Variants in MTERF3 observed in about 807,000 individuals in gnomAD.
The protein encoded by MTERF3 is transcription termination factor 3, mitochondrial.
A neutral mutation model predicts 40.5 loss-of-function variants in MTERF3; 40 were observed. The ratio of observed to expected loss-of-function variants is 0.99; its 90% CI spans 0.77 to 1.29. MTERF3 has a LOEUF of 1.29. Among genes scored for constraint, MTERF3 ranks in the 50% most tolerant of loss-of-function variants. The pLI is 0.00. For synonymous variants in MTERF3, 158 were observed against 166.6 expected (o/e 0.95, Z 0.40); for missense variants, 452 against 478.2 (o/e 0.95, Z 0.51).
chr8:96,240,929 G>A (rs1201898122), intron 7 of MTERF3, among the ~76,000 whole-genome samples: 3 of 152,038 alleles, frequency 2.0e-5, no homozygotes, highest in African/African-American at 7.2e-5. Flanking sequence ...AAAAGCACAG[G>A]GTGTACCTCA....
intron 3 of MTERF3, among the ~76,000 whole-genome samples, chr8:96,255,373 T>C (rs1447283204): frequency 6.6e-6 from 1 of 152,154 alleles, no homozygotes; most frequent in Non-Finnish European, 1.5e-5. Context: ...GTGCGGTGGC[T>C]CATGCCTATA....
rs574892650 is a variant in MTERF3 at position 96,258,798 on chromosome 8, T to A, written c.-10-98A>T. 54 of 947,306 alleles carry A rather than the reference T, an allele frequency of 5.7e-5. No individual in the cohort carries two copies. In the African/African-American group the frequency reaches 6.6e-4, roughly 12 times the overall value. 58.7% of individuals were successfully genotyped at this position (947,306 alleles called of 1,614,324 possible). On this transcript the variant is annotated intron_variant, in intron 1 of 7. Coordinates refer to ENST00000287025, the MANE Select transcript of MTERF3 (RefSeq NM_015942.5). ...CAACAAAAAGATAAACTGGAAATTA[T>A]TTTTTTCTAATTGAAAGGTGTTTAA... is the stretch of plus-strand genomic sequence containing the variant.
At chr8:96,246,230 C>G in intron 5 of MTERF3, 77 bp downstream of exon 5, 1 of 1,364,904 alleles carries the variant, frequency 7.3e-7, no homozygotes, top group Non-Finnish European at 9.9e-7. Flanking sequence ...GGCCAGGCAT[C>G]TGCTGGGAAC....
chr8:96,244,557 T>C (rs148946564), intron 6 of MTERF3, among the ~76,000 whole-genome samples: 1,876 of 151,686 alleles, frequency 0.012, 43 homozygotes, highest in African/African-American at 0.041. Flanking sequence ...CCCACCACCA[T>C]GCCTGGCTAA....
chr8:96,254,786 A>T (rs1422048180), intron 3 of MTERF3, among the ~76,000 whole-genome samples: 1 of 152,234 alleles, frequency 6.6e-6, no homozygotes, highest in Non-Finnish European at 1.5e-5. Context: ...CTTGAGAACA[A>T]AGGCCATTCT....
intron 7 of MTERF3, among the ~76,000 whole-genome samples, chr8:96,242,152 C>A (rs569217633): frequency 4.6e-5 from 7 of 152,166 alleles, no homozygotes; most frequent in Non-Finnish European, 1.0e-4. Flanking sequence ...CCATTCACAG[C>A]CTTACTGTCC....
intron 7 of MTERF3, among the ~76,000 whole-genome samples, chr8:96,240,709 C>T (rs1414210628): frequency 1.4e-4 from 21 of 152,162 alleles, no homozygotes; most frequent in Non-Finnish European, 5.9e-5. Context: ...TGAGGTTCCC[C>T]GATGAGGCTC....
Position 96,250,957 on chromosome 8 carries a change from A to T in MTERF3, c.626T>A (p.Leu209Gln). The T allele has an allele frequency of 3.1e-6, 5 of 1,608,372 alleles. No individual in the cohort carries two copies. Among genetic ancestry groups the T allele is most frequent in the Non-Finnish European group, 4.2e-6 (5 of 1,178,690 alleles). Residue 209 changes from leucine (L) to glutamine (Q), a missense_variant, in exon 4 of 8, where the codon CTG becomes CAG. Coordinates refer to ENST00000287025, the MANE Select transcript of MTERF3 (RefSeq NM_015942.5). Reference protein sequence around the residue: ...GIEDNQLGAFLTKNHAIFSED... With the variant: ...GIEDNQLGAFQTKNHAIFSED... ...AGAGAAAATTGCATGATTTTTTGTC[A>T]GGAATGCTCCCAGTTGGTTATCCTC... is the stretch of plus-strand genomic sequence containing the variant.
rs1443439687 is a variant in MTERF3, at chr8:96,258,296, G to A, written c.334+61C>T. The A allele has an allele frequency of 2.7e-6, 4 of 1,502,296 alleles. No individual in the cohort carries two copies. In the African/African-American group the frequency reaches 5.6e-5, roughly 21 times the overall value. The allele number at this position is 1,502,296 out of a possible 1,614,324, so 93.1% of individuals were successfully genotyped here. A position where few individuals can be genotyped will look rare whatever the true frequency, so the allele number is the denominator to read the frequency against. ...GAAATGGGCTAGCAGAAGGTAAACA[G>A]GTAGCTTGTTCAAATGGCCAAAGTA... On this transcript the variant is annotated intron_variant, in intron 2 of 7. Coordinates refer to ENST00000287025, the MANE Select transcript of MTERF3 (RefSeq NM_015942.5).
chr8:96,242,172 T>G (rs1418440584), intron 7 of MTERF3, among the ~76,000 whole-genome samples: 1 of 152,252 alleles, frequency 6.6e-6, no homozygotes, highest in African/African-American at 2.4e-5. Flanking sequence ...CGTTAATGTA[T>G]TTTTTCATTA....
In MTERF3 at chr8:96,249,485, C is replaced by G. The variant is rs190963923; in HGVS notation, c.677+1421G>C. Among the ~76,000 whole-genome samples, 263 of 152,308 alleles carry G rather than the reference C, an allele frequency of 1.7e-3. 1 individual carries two copies. The highest frequency in any genetic ancestry group is 3.3e-3 in the Admixed American group (51 of 15,298). ...TTCTGTATTGTGATAGACTATCACT[C>G]TCATGAAGGGAAAGACTGTTTTTGA... On this transcript the variant is annotated intron_variant, in intron 4 of 7. Transcript: ENST00000287025.
At chr8:96,258,140 T>C (rs541546230) in intron 2 of MTERF3, 9 of 621,204 alleles carry the variant, frequency 1.4e-5, no homozygotes, top group East Asian at 1.4e-4. Context: ...ATGTTTTATA[T>C]GTGTAGCTAT....
intron 7 of MTERF3, among the ~76,000 whole-genome samples, chr8:96,240,249 A>T (rs1809900781): frequency 6.8e-6 from 1 of 147,202 alleles, no homozygotes; most frequent in African/African-American, 2.5e-5. Flanking sequence ...CTCCATCTCA[A>T]AAAAAAAAAA....
intron 7 of MTERF3, among the ~76,000 whole-genome samples, chr8:96,241,434 CA>C (rs200357980): frequency 1.3e-5 from 2 of 150,518 alleles, no homozygotes; most frequent in Non-Finnish European, 3.0e-5. Context: ...AAACAAAAAA[CA>C]AAAAAAAACT....
intron 4 of MTERF3, among the ~76,000 whole-genome samples, chr8:96,250,355 G>A (rs1280986465): frequency 1.1e-4 from 17 of 147,836 alleles, no homozygotes; most frequent in African/African-American, 3.5e-4. Flanking sequence ...AGAAAAAAAC[G>A]TATTCCAGTT....
chr8:96,246,453 C>T lies in MTERF3; in HGVS notation c.679G>A (p.Val227Met). The change falls in exon 5 of 8, where the codon GTG becomes ATG. Residue 227 changes from valine to methionine, a missense_variant and splice_region_variant. Transcript: ENST00000287025. ...SEDLENLKTRVAYLHSKNFSK... is the reference protein window; with the variant it reads ...SEDLENLKTRMAYLHSKNFSK... ...AAATTTTTTGAATGCAGATAAGCCA[C>T]CCTAGAGAAACATAAATACATACGC... 6.2e-7 allele frequency: 1 copy of T among 1,604,602 alleles called. No homozygotes were observed. The highest frequency in any genetic ancestry group is 8.5e-7 in the Non-Finnish European group (1 of 1,177,122).
chr8:96,260,953 T>C lies in MTERF3; in HGVS notation c.-11+548A>G, dbSNP rs117680460. 3.6e-3 allele frequency among the ~76,000 whole-genome samples: 544 copies of C among 152,256 alleles called. 2 individuals carry two copies. Among genetic ancestry groups the C allele is most frequent in the Middle Eastern group, 0.014 (4 of 294 alleles). On this transcript the variant is annotated intron_variant, in intron 1 of 7. Coordinates refer to ENST00000287025, the MANE Select transcript of MTERF3 (RefSeq NM_015942.5). ...TGCTTACACAGTATGCAAAAGCGGG[T>C]AGGGGATGTGCAGATGTGTATAAAA...
chr8:96,261,145 T>C (rs1810377564), intron 1 of MTERF3, among the ~76,000 whole-genome samples: 1 of 152,240 alleles, frequency 6.6e-6, no homozygotes. Context: ...TCAAGATTTC[T>C]ACCTACGAAA....
At chr8:96,244,438 T>A (rs1809986657) in intron 6 of MTERF3, among the ~76,000 whole-genome samples, 1 of 151,668 alleles carries the variant, frequency 6.6e-6, no homozygotes, top group Non-Finnish European at 1.5e-5. Context: ...TCTCGCTTTG[T>A]CATCCAGGCT....
Sources: allele counts gnomAD v4.1 joint callset (sites outside exome capture counted in the v4.1 genomes callset), GRCh38; gene constraint gnomAD v4.1.1; transcripts MANE v1.5; gene names NCBI Gene and HGNC (gene_info 2026-07-23, HGNC 2026-07-21).